The following SUGCT variants were observed in gnomAD, a reference collection of about 807,000 sequenced individuals.
SUGCT encodes the protein succinyl-CoA:glutarate-CoA transferase.
In SUGCT, 41 loss-of-function variants were observed where a neutral mutation model predicts 55.0. The observed-to-expected ratio is 0.74, with a 90% CI of 0.58 to 0.97. SUGCT has a LOEUF of 0.97. Among genes scored for constraint, SUGCT ranks in the 50% least tolerant of loss-of-function variants. The probability of loss-of-function intolerance (pLI) is 0.00; values close to 1 mark genes in which losing one functional copy is unlikely to be tolerated. For synonymous variants in SUGCT, 187 were observed against 200.4 expected (o/e 0.93, Z 0.56); for missense variants, 568 against 547.8 (o/e 1.04, Z -0.37).
the SUGCT span, among the ~76,000 whole-genome samples, chr7:40,885,882 T>C: frequency 6.6e-6 from 1 of 152,230 alleles, no homozygotes; most frequent in Non-Finnish European, 1.5e-5. Flanking sequence ...AATGTTGGTG[T>C]TGGAAACATT....
chr7:40,141,090 TA>T (rs1273797914), intron 1 of SUGCT, among the ~76,000 whole-genome samples: 4 of 152,322 alleles, frequency 2.6e-5, no homozygotes, highest in Admixed American at 6.5e-5. Context: ...CTAGGTGTTT[TA>T]TTTTTTTGTA....
intron 9 of SUGCT, among the ~76,000 whole-genome samples, chr7:40,345,900 A>G (rs1463937685): frequency 2.6e-5 from 4 of 151,880 alleles, no homozygotes; most frequent in Non-Finnish European, 5.9e-5. Context: ...ATCTATTTTG[A>G]AAAAGAAACT....
rs367625806 is a variant in SUGCT at position 40,450,147 on chromosome 7, C to T, written c.888+789C>T. Among the ~76,000 whole-genome samples the T allele has an allele frequency of 1.8e-4, 28 of 151,926 alleles. No homozygotes were observed. In the East Asian group the frequency reaches 4.3e-3, roughly 23 times the overall value. ...TTCACTATGCTGGCCAGGGTGGTCTCGAACTCCTGACCTCAAGCGACCTGC... is the reference window on the plus strand; with the variant it reads ...TTCACTATGCTGGCCAGGGTGGTCTTGAACTCCTGACCTCAAGCGACCTGC... On this transcript the variant is annotated intron_variant, in intron 10 of 13. Coordinates refer to ENST00000335693, the MANE Select transcript of SUGCT (RefSeq NM_001193313.2).
At chr7:40,274,963 G>A (rs1489697801) in intron 8 of SUGCT, among the ~76,000 whole-genome samples, 1 of 152,026 alleles carries the variant, frequency 6.6e-6, no homozygotes, top group Non-Finnish European at 1.5e-5. Context: ...CACCACGCCC[G>A]GCTAATTTTG....
chr7:40,943,882 T>C, the SUGCT span, among the ~76,000 whole-genome samples: 2 of 151,294 alleles, frequency 1.3e-5, no homozygotes, highest in Non-Finnish European at 3.0e-5. Flanking sequence ...TTGAACTAGT[T>C]TACAGTCCCA....
At chr7:40,289,296 C>T (rs1223885784) in intron 8 of SUGCT, among the ~76,000 whole-genome samples, 1 of 152,080 alleles carries the variant, frequency 6.6e-6, no homozygotes, top group Admixed American at 6.6e-5. Context: ...GTGGGGGATA[C>T]ATTTTAAGAT....
intron 7 of SUGCT, among the ~76,000 whole-genome samples, chr7:40,265,466 C>G (rs757553755): frequency 5.3e-5 from 8 of 152,044 alleles, no homozygotes; most frequent in South Asian, 2.1e-4. Context: ...CTCTCTCCCC[C>G]CTCCTTCTTT....
chr7:40,174,966 A>G (rs537393859), intron 1 of SUGCT, among the ~76,000 whole-genome samples: 2 of 152,086 alleles, frequency 1.3e-5, no homozygotes, highest in Non-Finnish European at 2.9e-5. Context: ...AAAAAATTTT[A>G]TTGTGATAAT....
At chr7:40,346,030 TAA>T (rs1562701017) in intron 9 of SUGCT, among the ~76,000 whole-genome samples, 1 of 151,948 alleles carries the variant, frequency 6.6e-6, no homozygotes, top group East Asian at 1.9e-4. Context: ...ACCAAAGACT[TAA>T]ACTCTGGTTT....
At chr7:40,181,542 G>A (rs949301446) in intron 2 of SUGCT, among the ~76,000 whole-genome samples, 2 of 151,912 alleles carry the variant, frequency 1.3e-5, no homozygotes, top group African/African-American at 4.8e-5. Flanking sequence ...TCAGGAGATC[G>A]AGACCATCCT....
chr7:40,141,898 G>A (rs553905390), intron 1 of SUGCT: 33 of 354,212 alleles, frequency 9.3e-5, no homozygotes, highest in Non-Finnish European at 1.8e-4. Context: ...GGACAAGGGA[G>A]GGGAAGGGGT....
intron 9 of SUGCT, among the ~76,000 whole-genome samples, chr7:40,327,688 T>A (rs1248932242): frequency 1.3e-5 from 2 of 152,218 alleles, no homozygotes; most frequent in Non-Finnish European, 2.9e-5. Flanking sequence ...TCTTAATATA[T>A]GTGCAGAACT....
At chr7:40,724,740 A>G (rs1480494587) in intron 12 of SUGCT, among the ~76,000 whole-genome samples, 1 of 150,734 alleles carries the variant, frequency 6.6e-6, no homozygotes, top group Non-Finnish European at 1.5e-5. Flanking sequence ...ATAAATATAC[A>G]CATATAAGTT....
intron 5 of SUGCT, among the ~76,000 whole-genome samples, chr7:40,190,058 A>G (rs1584296736): frequency 6.6e-6 from 1 of 152,166 alleles, no homozygotes; most frequent in South Asian, 2.1e-4. Context: ...CAGATGACCA[A>G]TATATCCAGA....
intron 12 of SUGCT, among the ~76,000 whole-genome samples, chr7:40,700,173 G>C (rs1260628471): frequency 2.0e-5 from 3 of 152,154 alleles, no homozygotes; most frequent in Non-Finnish European, 4.4e-5. Flanking sequence ...GGACTCTTAA[G>C]ATGCTTGGAA....
At chr7:40,248,103 C>T (rs747806052) in intron 7 of SUGCT, among the ~76,000 whole-genome samples, 1 of 150,774 alleles carries the variant, frequency 6.6e-6, no homozygotes, top group South Asian at 2.1e-4. Context: ...CCTCTGCCTC[C>T]TGGGTTCAAG....
chr7:40,652,814 T>C (rs1800840510), intron 12 of SUGCT, among the ~76,000 whole-genome samples: 1 of 152,208 alleles, frequency 6.6e-6, no homozygotes, highest in Non-Finnish European at 1.5e-5. Flanking sequence ...GTAAAGGGCA[T>C]AGATCATGTC....
At chr7:40,243,796 C>T (rs1230644216) in intron 7 of SUGCT, among the ~76,000 whole-genome samples, 1 of 152,108 alleles carries the variant, frequency 6.6e-6, no homozygotes, top group Non-Finnish European at 1.5e-5. Flanking sequence ...ATGCTCCTCA[C>T]AATTTAAAAA....
At chr7:40,699,133 T>G (rs1785065803) in intron 12 of SUGCT, among the ~76,000 whole-genome samples, 1 of 152,134 alleles carries the variant, frequency 6.6e-6, no homozygotes, top group Admixed American at 6.5e-5. Flanking sequence ...TAATGCAGTT[T>G]GGTTCAATGT....
Sources: gnomAD v4.1 joint callset for allele counts (sites outside exome capture counted in the v4.1 genomes callset) on GRCh38, gnomAD v4.1.1 for gene constraint, MANE v1.5 for transcripts, NCBI Gene and HGNC (gene_info 2026-07-23, HGNC 2026-07-21) for gene names.